Variants in BRPF3 observed in about 807,000 individuals in gnomAD.
The protein encoded by BRPF3 is bromodomain and PHD finger-containing protein 3.
Under a neutral mutation model 102.0 loss-of-function variants are expected in BRPF3, and 18 were observed. The observed-to-expected ratio is 0.18, with a 90% confidence interval of 0.12 to 0.26. The LOEUF is 0.26. BRPF3 is among the 10% of genes least tolerant of loss of function. The pLI is 1.00. For synonymous variants in BRPF3, 570 were observed against 614.2 expected (o/e 0.93, Z 1.06); for missense variants, 1,147 against 1,567.8 (o/e 0.73, Z 4.53).
chr6:36,204,684 C>T lies in BRPF3; in HGVS notation c.1475C>T (p.Ser492Phe). 1 of 1,614,220 alleles carries T rather than the reference C, an allele frequency of 6.2e-7. No homozygotes were observed. Among genetic ancestry groups the T allele is most frequent in the Non-Finnish European group, 8.5e-7 (1 of 1,180,048 alleles). Reference sequence around the variant, plus strand: ...TTGAACAAGATCTGTAGTGGTCTCTCCTTTCAGAGGAAAAACCAGTTTATG... The same window carrying T: ...TTGAACAAGATCTGTAGTGGTCTCTTCTTTCAGAGGAAAAACCAGTTTATG... ...YRLNKICSGL[S>F]FQRKNQFMQR... Residue 492 changes from serine to phenylalanine, a missense_variant, in exon 3 of 13, where the codon TCC becomes TTC. Transcript: ENST00000357641.
intron 3 of BRPF3, among the ~76,000 whole-genome samples, chr6:36,205,030 G>A (rs1767856813): frequency 6.6e-6 from 1 of 152,308 alleles, no homozygotes; most frequent in East Asian, 1.9e-4. Flanking sequence ...GAGAATTCTA[G>A]GGGAGAGTGG....
In BRPF3 at chr6:36,230,341, TGG is replaced by T; in HGVS notation, c.3435-84_3435-83del. 7.0e-7 allele frequency: 1 copy of T among 1,420,530 alleles called. No homozygotes were observed. The highest frequency in any genetic ancestry group is 9.8e-7 in the Non-Finnish European group (1 of 1,025,064). The allele number at this position is 1,420,530 out of a possible 1,614,324, so 88.0% of individuals were successfully genotyped here. On this transcript the variant is annotated intron_variant, in intron 12 of 12. Transcript: ENST00000357641. The surrounding 1 kb of genome is among the most constrained non-coding windows in gnomAD (Gnocchi z 5.4). ...CCCTGTACCCTCTCCCTGGCTTTGC[TGG>T]TCCTGGCCAAGTGGGGCCACAGGAG...
rs1196394222 is a variant in BRPF3 at position 36,222,172 on chromosome 6, C to T, written c.3088C>T (p.Leu1030=). The T allele has an allele frequency of 6.5e-7, 1 of 1,550,260 alleles. No individual in the cohort carries two copies. Among genetic ancestry groups the T allele is most frequent in the African/African-American group, 1.4e-5 (1 of 73,122 alleles). ...CTCTCCCTGCTCTGTGTGCAGTGGTCTGACGCCCCCCAAACGCAGCCGTGG... is the reference window on the plus strand; with the variant it reads ...CTCTCCCTGCTCTGTGTGCAGTGGTTTGACGCCCCCCAAACGCAGCCGTGG... ...GGLAFEACSG[L]TPPKRSRGKP... is the part of the protein sequence containing the mutation. The change falls in exon 10 of 13, where the codon CTG becomes TTG. Residue 1030 remains leucine, a synonymous_variant. Coordinates refer to ENST00000357641, the MANE Select transcript of BRPF3 (RefSeq NM_015695.3).
rs201233433 is a variant in BRPF3, at chr6:36,201,252, T to C, written c.930T>C (p.Ile310=). Residue 310 remains isoleucine, a synonymous_variant, in exon 2 of 13, where the codon ATT becomes ATC. Transcript: ENST00000357641. This position sits in a 1 kb window ranked among gnomAD's most constrained non-coding sequence, Gnocchi z 5.1. ...CTAACACCGTGTTCTTGGAACCTAT[T>C]GAGGGCATTGACAATATCCCGCCTG... is the stretch of plus-strand genomic sequence containing the variant. ...CFANTVFLEP[I]EGIDNIPPAR... 2 of 1,614,196 alleles carry C rather than the reference T, an allele frequency of 1.2e-6. No individual in the cohort carries two copies. The highest frequency in any genetic ancestry group is 2.2e-5 in the East Asian group (1 of 44,876).
intron 11 of BRPF3, 112 bp downstream of exon 11, chr6:36,225,476 G>A (rs1322033969): frequency 1.0e-6 from 1 of 962,932 alleles, no homozygotes; most frequent in South Asian, 1.7e-5. Context: ...TTTAGCTGTA[G>A]AGGGGAGGGG....
chr6:36,212,859 A>G (rs1346021442), intron 7 of BRPF3, among the ~76,000 whole-genome samples: 1 of 152,082 alleles, frequency 6.6e-6, no homozygotes, highest in Non-Finnish European at 1.5e-5. Context: ...AGGCTGAGGC[A>G]GGAGAATGGC....
intron 12 of BRPF3, among the ~76,000 whole-genome samples, chr6:36,229,796 A>G (rs1035519290): frequency 2.0e-5 from 3 of 152,208 alleles, no homozygotes. Context: ...ATTGCTTTAT[A>G]TATCTGATCT....
Position 36,225,280 on chromosome 6 carries a change from G to C in BRPF3, c.3195G>C (p.Leu1065=), listed in dbSNP as rs781554919. The change falls in exon 11 of 13, where the codon CTG becomes CTC. Residue 1065 remains leucine (L), a synonymous_variant. Transcript: ENST00000357641. ...CCCCACCCCCAGGCAGAAGCCTCCT[G>C]CTGCCCTTTGAAGACCGCGGAGACC... is the stretch of plus-strand genomic sequence containing the variant. ...SDYNGSGRSL[L]LPFEDRGDLE... The C allele has an allele frequency of 6.2e-7, 1 of 1,608,464 alleles. No individual in the cohort carries two copies. The highest frequency in any genetic ancestry group is 1.7e-5 in the Admixed American group (1 of 60,026).
In BRPF3 at chr6:36,211,403, C is replaced by T. The variant is rs1256607652; in HGVS notation, c.2325C>T (p.Ile775=). 1 of 1,613,980 alleles carries T rather than the reference C, an allele frequency of 6.2e-7. No homozygotes were observed. The highest frequency in any genetic ancestry group is 8.5e-7 in the Non-Finnish European group (1 of 1,179,902). Residue 775 remains isoleucine, a synonymous_variant, in exon 7 of 13, where the codon ATC becomes ATT. Transcript: ENST00000357641. ...GTGTCCGCCTGCTACGCCGGGAGAT[C>T]AATGCCCTTCGGCAGAAGCTGGCAC... ...TRRVRLLRRE[I]NALRQKLAQP...
chr6:36,225,428 G>T, intron 11 of BRPF3, 64 bp downstream of exon 11: 1 of 1,434,074 alleles, frequency 7.0e-7, no homozygotes, highest in East Asian at 2.3e-5. Flanking sequence ...TAATCTGATT[G>T]GATTAAGCCA....
intron 1 of BRPF3, among the ~76,000 whole-genome samples, chr6:36,198,617 AG>A (rs1267332706): frequency 3.3e-5 from 5 of 152,228 alleles, no homozygotes; most frequent in Admixed American, 3.3e-4. Flanking sequence ...TAAAAGTAAG[AG>A]GGCTTTGTAG....
intron 1 of BRPF3, among the ~76,000 whole-genome samples, chr6:36,198,872 C>A (rs1474008526): frequency 2.0e-5 from 3 of 152,316 alleles, no homozygotes; most frequent in Admixed American, 6.5e-5. Context: ...CTAGGACTTT[C>A]TCTTGGCTGT....
In BRPF3 at chr6:36,230,756, G is replaced by A. The variant is rs1270359396; in HGVS notation, c.*147G>A. ...GGGCTTTCTCCCCACTAAGGGCAAGGCCCCAGTTTTGACCAATCGCATGGT... is the reference window on the plus strand; with the variant it reads ...GGGCTTTCTCCCCACTAAGGGCAAGACCCCAGTTTTGACCAATCGCATGGT... On this transcript the variant is annotated 3_prime_UTR_variant, in exon 13 of 13. Transcript: ENST00000357641. This position sits in a 1 kb window ranked among gnomAD's most constrained non-coding sequence, Gnocchi z 5.4. The A allele has an allele frequency of 2.8e-6, 3 of 1,071,252 alleles. No individual in the cohort carries two copies. The highest frequency in any genetic ancestry group is 1.6e-5 in the African/African-American group (1 of 62,296). The allele number at this position is 1,071,252 out of a possible 1,614,324, so 66.4% of individuals were successfully genotyped here.
intron 8 of BRPF3, among the ~76,000 whole-genome samples, chr6:36,217,312 G>C (rs568733460): frequency 6.6e-6 from 1 of 152,252 alleles, no homozygotes; most frequent in South Asian, 2.1e-4. Flanking sequence ...AGGAAGTTCC[G>C]GGCTGCTTTA....
At chr6:36,229,891 C>T (rs999700230) in intron 12 of BRPF3, among the ~76,000 whole-genome samples, 13 of 152,186 alleles carry the variant, frequency 8.5e-5, no homozygotes, top group Non-Finnish European at 1.5e-4. Flanking sequence ...AGTCCAGACC[C>T]TGTAGCCAGA....
In BRPF3 at chr6:36,221,266, A is replaced by G. The variant is rs1768529160; in HGVS notation, c.3084-902A>G. The stretch of plus-strand genomic sequence containing the variant: ...TTTGCCTCTTTGCAATAGTCATGAA[A>G]CAAAAATTGGTCTACTTTTTTTTTT... On this transcript the variant is annotated intron_variant, in intron 9 of 12. Transcript: ENST00000357641. Among the ~76,000 whole-genome samples the G allele has an allele frequency of 3.3e-5, 5 of 150,880 alleles. No individual in the cohort carries two copies. The South Asian group carries it at 1.0e-3, about 32-fold the overall frequency.
At chr6:36,203,648 C>T (rs1048598552) in intron 2 of BRPF3, among the ~76,000 whole-genome samples, 9 of 152,272 alleles carry the variant, frequency 5.9e-5, no homozygotes, top group Admixed American at 5.2e-4. Context: ...ACATGCCCAT[C>T]CTTCTAAGGT....
At chr6:36,207,607 G>A (rs1221186331) in intron 4 of BRPF3, among the ~76,000 whole-genome samples, 163 bp downstream of exon 4, 8 of 152,216 alleles carry the variant, frequency 5.3e-5, no homozygotes, top group African/African-American at 1.9e-4. Context: ...TGTATTAGAT[G>A]TGGTGCTACT....
intron 11 of BRPF3, among the ~76,000 whole-genome samples, chr6:36,228,010 T>C (rs930884601): frequency 1.2e-4 from 18 of 152,222 alleles, no homozygotes; most frequent in African/African-American, 3.9e-4. Flanking sequence ...CTCCCAGAGC[T>C]ATTAGCTGTC....
Sources: allele counts gnomAD v4.1 joint callset (sites outside exome capture counted in the v4.1 genomes callset), GRCh38; gene constraint gnomAD v4.1.1; non-coding constraint Gnocchi (gnomAD v3.1); transcripts MANE v1.5; gene names NCBI Gene and HGNC (gene_info 2026-07-23, HGNC 2026-07-21).